CSMD1: variants seen among roughly 807,000 people sequenced by gnomAD.
CSMD1 encodes CUB and Sushi multiple domains 1, also known as CUB and sushi domain-containing protein 1.
In CSMD1, 213 loss-of-function variants were observed where a neutral mutation model predicts 417.5. The ratio of observed to expected loss-of-function variants is 0.51; its 90% CI spans 0.46 to 0.57. CSMD1 has a LOEUF of 0.57. CSMD1 is among the 20% of genes least tolerant of loss of function. The pLI is 0.00. For synonymous variants in CSMD1, 2,862 were observed against 1,736.8 expected (o/e 1.65, Z -16.11); for missense variants, 6,923 against 4,529.7 (o/e 1.53, Z -15.17).
At chr8:4,308,771 G>T (rs982199088) in intron 3 of CSMD1, among the ~76,000 whole-genome samples, 1 of 152,096 alleles carries the variant, frequency 6.6e-6, no homozygotes, top group African/African-American at 2.4e-5. Flanking sequence ...GATGACTAAA[G>T]ATTATTTACA....
At chr8:3,748,801 G>C (rs572338269) in intron 6 of CSMD1, among the ~76,000 whole-genome samples, 1 of 152,154 alleles carries the variant, frequency 6.6e-6, no homozygotes, top group Non-Finnish European at 1.5e-5. Flanking sequence ...TTAATTAAAA[G>C]GGAAAATCAA....
chr8:4,517,890 G>A (rs1305784329), intron 2 of CSMD1, among the ~76,000 whole-genome samples: 1 of 152,298 alleles, frequency 6.6e-6, no homozygotes, highest in East Asian at 1.9e-4. Context: ...TTGCATTTGA[G>A]TAGGGTGTCT....
chr8:4,098,683 A>G (rs969594346), intron 3 of CSMD1, among the ~76,000 whole-genome samples: 1 of 152,166 alleles, frequency 6.6e-6, no homozygotes, highest in South Asian at 2.1e-4. Flanking sequence ...CGGCAAATAA[A>G]GGTTCTCATC....
At position 4,501,939 on chromosome 8, in the gene CSMD1, A is replaced by T. The variant is rs534956902; in HGVS notation, c.303-81874T>A. 1.6e-3 allele frequency among the ~76,000 whole-genome samples: 240 copies of T among 152,284 alleles called. 1 individual carries two copies. Among genetic ancestry groups the T allele is most frequent in the African/African-American group, 4.8e-3 (200 of 41,572 alleles). On this transcript the variant is annotated intron_variant, in intron 2 of 69. Transcript: ENST00000635120. ...GGGTTTTGGAACATACCCCCCTAGAATAAGGGAGAGAACTGTATTTAGAGG... is the reference window on the plus strand; with the variant it reads ...GGGTTTTGGAACATACCCCCCTAGATTAAGGGAGAGAACTGTATTTAGAGG...
intron 1 of CSMD1, among the ~76,000 whole-genome samples, chr8:4,748,437 T>C (rs6983468): frequency 0.012 from 1,809 of 152,312 alleles, 33 homozygotes; most frequent in African/African-American, 0.04. Context: ...TGCAGTATCA[T>C]ATTTATGACC....
intron 3 of CSMD1, among the ~76,000 whole-genome samples, chr8:4,417,461 A>G (rs1316870533): frequency 6.6e-6 from 1 of 152,050 alleles, no homozygotes; most frequent in African/African-American, 2.4e-5. Flanking sequence ...AATACATTTC[A>G]ATTAAAATTT....
rs1183092661 is a variant in CSMD1 at position 3,112,288 on chromosome 8, G to GT, written c.6431-1954dup. On this transcript the variant is annotated intron_variant, in intron 42 of 69. Coordinates refer to ENST00000635120, the MANE Select transcript of CSMD1 (RefSeq NM_033225.6). ...ACCCTTTACAGGTGACTCCGTGCTAGTAATTTAGTGTGGACTTACAATGCT... is the reference window on the plus strand; with the variant it reads ...ACCCTTTACAGGTGACTCCGTGCTAGTTAATTTAGTGTGGACTTACAATGCT... 2.0e-5 allele frequency among the ~76,000 whole-genome samples: 3 copies of GT among 152,198 alleles called. No individual in the cohort carries two copies. In the East Asian group the frequency reaches 5.8e-4, roughly 29 times the overall value.
rs1263279049 is a variant in CSMD1, at chr8:3,411,927, T to C, written c.1562-2322A>G. Among the ~76,000 whole-genome samples, 1,052 of 112,684 alleles carry C rather than the reference T, an allele frequency of 9.3e-3. 35 individuals are homozygous for C. The highest frequency in any genetic ancestry group is 0.013 in the African/African-American group (349 of 27,386). The allele number at this position is 112,684 out of a possible 152,430, so 73.9% of individuals were successfully genotyped here. ...ATATACACGTATATATGCACGTATA[T>C]ATACACGTATATATGCACGTATATA... On this transcript the variant is annotated intron_variant, in intron 12 of 69. Transcript: ENST00000635120.
intron 3 of CSMD1, among the ~76,000 whole-genome samples, chr8:4,318,420 A>G (rs1483506868): frequency 6.6e-6 from 1 of 152,090 alleles, no homozygotes; most frequent in Non-Finnish European, 1.5e-5. Flanking sequence ...TGTGTGTGAG[A>G]AAGAGTAATA....
At position 3,695,989 on chromosome 8, in the gene CSMD1, G is replaced by C. The variant is rs904250876; in HGVS notation, c.1009+12425C>G. ...TGAAGATATGGGATAGTTTTTTCCA[G>C]TGTTAGAAATATGACTTGTGGAAGA... On this transcript the variant is annotated intron_variant, in intron 7 of 69. Transcript: ENST00000635120. Among the ~76,000 whole-genome samples the C allele has an allele frequency of 3.9e-5, 6 of 152,098 alleles. No homozygotes were observed. In the South Asian group the frequency reaches 1.0e-3, roughly 26 times the overall value.
At chr8:4,908,394 T>A (rs1226888697) in intron 1 of CSMD1, among the ~76,000 whole-genome samples, 2 of 152,324 alleles carry the variant, frequency 1.3e-5, no homozygotes, top group East Asian at 3.9e-4. Context: ...TAGTTTAGTG[T>A]CTATCATTAA....
intron 7 of CSMD1, among the ~76,000 whole-genome samples, chr8:3,662,100 G>A (rs370692647): frequency 1.3e-5 from 2 of 152,112 alleles, no homozygotes; most frequent in African/African-American, 2.4e-5. Context: ...CATGCTTAAA[G>A]GGACATTAGT....
At chr8:3,814,677 G>C (rs551158333) in intron 5 of CSMD1, among the ~76,000 whole-genome samples, 4 of 152,276 alleles carry the variant, frequency 2.6e-5, no homozygotes, top group South Asian at 4.1e-4. Flanking sequence ...TGCTGAGATG[G>C]AGACATTAGC....
chr8:3,315,666 A>C (rs1805703078), intron 23 of CSMD1, among the ~76,000 whole-genome samples: 2 of 149,312 alleles, frequency 1.3e-5, no homozygotes, highest in African/African-American at 4.8e-5. Flanking sequence ...AGCAATAGCA[A>C]ACAGGTTGTT....
intron 37 of CSMD1, among the ~76,000 whole-genome samples, chr8:3,174,134 C>T (rs1219522938): frequency 6.6e-6 from 1 of 152,164 alleles, no homozygotes; most frequent in African/African-American, 2.4e-5. Flanking sequence ...CCAGTGTAAT[C>T]ATCAGCACAG....
intron 10 of CSMD1, among the ~76,000 whole-genome samples, chr8:3,499,476 C>CT (rs1211806828): frequency 6.6e-6 from 1 of 152,066 alleles, no homozygotes; most frequent in Non-Finnish European, 1.5e-5. Flanking sequence ...CATGTGTGAG[C>CT]ATTCAGCAAC....
chr8:4,830,688 CCAATGG>C (rs1800099018), intron 1 of CSMD1, among the ~76,000 whole-genome samples: 1 of 152,152 alleles, frequency 6.6e-6, no homozygotes, highest in Admixed American at 6.5e-5. Flanking sequence ...CCAACTAATG[CCAATGG>C]CAACACTGTA....
At position 3,015,246 on chromosome 8, in the gene CSMD1, C is replaced by G. The variant is rs79076098; in HGVS notation, c.8029+3231G>C. Among the ~76,000 whole-genome samples the G allele has an allele frequency of 1.8e-3, 267 of 152,202 alleles. 2 individuals are homozygous for G. The highest frequency in any genetic ancestry group is 6.2e-3 in the African/African-American group (258 of 41,544). ...CCAGTTTGTGGTGGATTTGTCCCTC[C>G]GGACACTCTCTTTAAAAACGCATTG... On this transcript the variant is annotated intron_variant, in intron 52 of 69. Coordinates refer to ENST00000635120, the MANE Select transcript of CSMD1 (RefSeq NM_033225.6).
rs544646624 is a variant in CSMD1, at chr8:4,125,078, G to A, written c.416-92979C>T. Among the ~76,000 whole-genome samples, 192 of 151,438 alleles carry A rather than the reference G, an allele frequency of 1.3e-3. 2 individuals carry two copies. The highest frequency in any genetic ancestry group is 4.5e-3 in the African/African-American group (184 of 41,278). On this transcript the variant is annotated intron_variant, in intron 3 of 69. Transcript: ENST00000635120. ...TGTAACACTCGCCGCTGCAGTCCACGGCTTCATTCCTTGAAGCCGGTGAGA... is the reference window on the plus strand; with the variant it reads ...TGTAACACTCGCCGCTGCAGTCCACAGCTTCATTCCTTGAAGCCGGTGAGA...
Sources: allele counts gnomAD v4.1 joint callset (sites outside exome capture counted in the v4.1 genomes callset), GRCh38; gene constraint gnomAD v4.1.1; transcripts MANE v1.5; gene names NCBI Gene and HGNC (gene_info 2026-07-23, HGNC 2026-07-21).